Variants in RABGAP1 observed in about 807,000 individuals in gnomAD.
RABGAP1 encodes the protein RAB GTPase activating protein 1.
RABGAP1 carries 23 observed loss-of-function variants against 137.6 expected under a neutral mutation model. The observed-to-expected ratio is 0.17, with a 90% confidence interval of 0.12 to 0.24. RABGAP1 has a LOEUF of 0.24. Ranked by LOEUF, RABGAP1 falls within the 10% of genes least tolerant of loss-of-function variation. RABGAP1 has a pLI of 1.00. For missense variants in RABGAP1, 906 were observed against 1,275.8 expected (o/e 0.71, Z 4.42); for synonymous variants, 451 against 450.7 (o/e 1.00, Z -0.01).
At chr9:123,011,548 A>G (rs1367591258) in intron 11 of RABGAP1, among the ~76,000 whole-genome samples, 1 of 152,200 alleles carries the variant, frequency 6.6e-6, no homozygotes, top group Non-Finnish European at 1.5e-5. Context: ...TGCCCTTATG[A>G]TTAATCAATT....
chr9:122,994,899 T>A (rs554140333), intron 6 of RABGAP1, among the ~76,000 whole-genome samples: 1 of 152,268 alleles, frequency 6.6e-6, no homozygotes, highest in Middle Eastern at 3.4e-3. Flanking sequence ...GGAGGATTGC[T>A]TGAGCCCATG....
intron 1 of RABGAP1, among the ~76,000 whole-genome samples, chr9:122,943,966 G>C (rs1037736422): frequency 1.2e-4 from 18 of 151,890 alleles, no homozygotes; most frequent in Non-Finnish European, 2.1e-4. Context: ...AAAAAAAGAA[G>C]TTTTTGTTTT....
rs570380997 is a variant in RABGAP1 at position 123,074,410 on chromosome 9, C to T, written c.2235C>T (p.Ile745=). Residue 745 remains isoleucine (I), a synonymous_variant, in exon 17 of 26, where the codon ATC becomes ATT. Coordinates refer to ENST00000373647, the MANE Select transcript of RABGAP1 (RefSeq NM_012197.4). ...KFPLYMVFHI[I]DLLLCEGISV... ...CTCTCTACATGGTCTTCCATATCAT[C>T]GACCTGCTTTTATGTGAGGTATGTA... is the stretch of plus-strand genomic sequence containing the variant. 8 of 1,613,110 alleles carry T rather than the reference C, an allele frequency of 5.0e-6. No homozygotes were observed. Among genetic ancestry groups the T allele is most frequent in the Non-Finnish European group, 5.9e-6 (7 of 1,179,294 alleles).
intron 23 of RABGAP1, 132 bp downstream of exon 23, chr9:123,098,930 C>T: frequency 3.4e-6 from 2 of 582,686 alleles, no homozygotes; most frequent in Non-Finnish European, 3.1e-6. Context: ...TGCCCCTGCA[C>T]TGACAAGTGG....
chr9:123,020,601 T>A, intron 13 of RABGAP1, 142 bp downstream of exon 13: 1 of 933,276 alleles, frequency 1.1e-6, no homozygotes, highest in Non-Finnish European at 1.4e-6. Flanking sequence ...AGCTCTAACA[T>A]GTTTTTTCTG....
Position 123,020,355 on chromosome 9 carries a change from A to C in RABGAP1, c.1690A>C (p.Arg564=), listed in dbSNP as rs1443114673. The change falls in exon 13 of 26, where the codon AGA becomes CGA. Residue 564 remains arginine, a synonymous_variant. Coordinates refer to ENST00000373647, the MANE Select transcript of RABGAP1 (RefSeq NM_012197.4). Reference sequence around the variant, plus strand: ...ACCGAAGCAGTTGTCATCCTTAGTAAGAAACGGTGTCCCTGAAGCTCTTCG... The same window carrying C: ...ACCGAAGCAGTTGTCATCCTTAGTACGAAACGGTGTCCCTGAAGCTCTTCG... ...VRPKQLSSLV[R]NGVPEALRGE... 9 of 1,601,502 alleles carry C rather than the reference A, an allele frequency of 5.6e-6. 1 individual carries two copies. The East Asian group carries it at 6.7e-5, about 12-fold the overall frequency.
At chr9:123,056,187 A>G (rs1256058627) in intron 13 of RABGAP1, among the ~76,000 whole-genome samples, 1 of 152,258 alleles carries the variant, frequency 6.6e-6, no homozygotes, top group Non-Finnish European at 1.5e-5. Flanking sequence ...GTCAACTGAT[A>G]GAGCAAGCAA....
intron 2 of RABGAP1, among the ~76,000 whole-genome samples, chr9:122,963,530 G>A (rs569863956): frequency 6.6e-6 from 1 of 151,584 alleles, no homozygotes; most frequent in East Asian, 1.9e-4. Flanking sequence ...TAAATAAAAA[G>A]TCGAAGAAAA....
At chr9:122,938,157 C>T (rs1833419612), upstream of RABGAP1, 1 of 152,198 alleles carries the variant, frequency 6.6e-6, no homozygotes, top group South Asian at 2.1e-4. Context: ...TTCGTTTTAC[C>T]TCCTGCTTCC....
At chr9:123,005,072 A>T (rs983335101) in intron 10 of RABGAP1, among the ~76,000 whole-genome samples, 1 of 151,614 alleles carries the variant, frequency 6.6e-6, no homozygotes, top group Non-Finnish European at 1.5e-5. Context: ...AAAAAAAAAA[A>T]AAAAACTAAA....
intron 11 of RABGAP1, among the ~76,000 whole-genome samples, chr9:123,013,413 C>A (rs2030976532): frequency 6.6e-6 from 1 of 151,858 alleles, no homozygotes; most frequent in Non-Finnish European, 1.5e-5. Flanking sequence ...CTCACTGCAC[C>A]CTCCGCCTCC....
intron 2 of RABGAP1, among the ~76,000 whole-genome samples, chr9:122,979,557 TCTC>T (rs1159688101): frequency 2.0e-5 from 3 of 152,230 alleles, no homozygotes; most frequent in Non-Finnish European, 1.5e-5. Context: ...CAAAAAGATT[TCTC>T]CTGTGTTTTA....
At chr9:123,057,991 G>C (rs1236528500) in intron 13 of RABGAP1, among the ~76,000 whole-genome samples, 1 of 147,436 alleles carries the variant, frequency 6.8e-6, no homozygotes, top group African/African-American at 2.5e-5. Context: ...GCAGTGAGCC[G>C]AGACGGCAGC....
Position 123,034,999 on chromosome 9 carries a change from A to T in RABGAP1, c.1794+14540A>T, listed in dbSNP as rs756255366. On this transcript the variant is annotated intron_variant, in intron 13 of 25. Coordinates refer to ENST00000373647, the MANE Select transcript of RABGAP1 (RefSeq NM_012197.4). ...CTATAATACTCTGGTTACACCCTGG[A>T]GACTACGCCTGTGTATTTTCCTGAT... 4 of 1,613,752 alleles carry T rather than the reference A, an allele frequency of 2.5e-6. No homozygotes were observed. The South Asian group carries it at 4.4e-5, about 18-fold the overall frequency.
chr9:123,034,437 T>C (rs537758512), intron 13 of RABGAP1: 9 of 661,526 alleles, frequency 1.4e-5, no homozygotes, highest in East Asian at 2.5e-5. Flanking sequence ...CATCAGGAGC[T>C]TGGGGAGTAA....
chr9:123,060,445 T>G (rs1311634930), intron 13 of RABGAP1, among the ~76,000 whole-genome samples: 2 of 152,238 alleles, frequency 1.3e-5, no homozygotes, highest in African/African-American at 4.8e-5. Flanking sequence ...TACCATAATT[T>G]ATCACTTTTT....
chr9:123,080,674 G>T (rs186495439), intron 19 of RABGAP1, among the ~76,000 whole-genome samples: 3 of 152,282 alleles, frequency 2.0e-5, no homozygotes, highest in Admixed American at 1.3e-4. Context: ...ATGAGGATCT[G>T]TGGTTTGAGT....
intron 21 of RABGAP1, 149 bp downstream of exon 21, chr9:123,090,534 T>G (rs2035004017): frequency 5.1e-6 from 3 of 592,538 alleles, no homozygotes; most frequent in Non-Finnish European, 8.6e-6. Context: ...GTCACTTCCC[T>G]CCTTTCCTTC....
intron 12 of RABGAP1, among the ~76,000 whole-genome samples, chr9:123,019,686 T>TTTCG (rs1554718961): frequency 6.7e-6 from 1 of 150,010 alleles, no homozygotes; most frequent in Non-Finnish European, 1.5e-5. Context: ...TTTGCTCTTT[T>TTTCG]TTTGTTTGTT....
Sources: gnomAD v4.1 joint callset for allele counts (sites outside exome capture counted in the v4.1 genomes callset) on GRCh38, gnomAD v4.1.1 for gene constraint, MANE v1.5 for transcripts, NCBI Gene and HGNC (gene_info 2026-07-23, HGNC 2026-07-21) for gene names.